The following RAD54L2 variants were observed in gnomAD, a reference collection of about 807,000 sequenced individuals.
RAD54L2 encodes the protein helicase ARIP4.
Under a neutral mutation model 138.4 loss-of-function variants are expected in RAD54L2, and 27 were observed. The ratio of observed to expected loss-of-function variants is 0.20; its 90% CI spans 0.14 to 0.27. The LOEUF (loss-of-function observed/expected upper bound fraction) is 0.27, where lower values mean the gene tolerates loss of function less well. RAD54L2 is among the 10% of genes least tolerant of loss of function. RAD54L2 has a pLI of 1.00. For missense variants in RAD54L2, 1,396 were observed against 1,890.2 expected, an observed-to-expected ratio of 0.74 and a Z score of 4.85; for synonymous variants, 644 against 723.2, an observed-to-expected ratio of 0.89 and a Z score of 1.76.
chr3:51,619,905 G>A (rs1431016930), intron 3 of RAD54L2, among the ~76,000 whole-genome samples: 1 of 151,950 alleles, frequency 6.6e-6, no homozygotes, highest in Non-Finnish European at 1.5e-5. Context: ...GCATATCTCT[G>A]TGCATTATGT....
chr3:51,617,615 T>C (rs1360069072), intron 3 of RAD54L2, among the ~76,000 whole-genome samples: 1 of 152,168 alleles, frequency 6.6e-6, no homozygotes, highest in South Asian at 2.1e-4. Flanking sequence ...GTGACTCATG[T>C]CTGTAACCCC....
At chr3:51,634,221 G>A (rs1296612824) in intron 9 of RAD54L2, among the ~76,000 whole-genome samples, 186 bp downstream of exon 9, 2 of 152,110 alleles carry the variant, frequency 1.3e-5, no homozygotes, top group African/African-American at 4.8e-5. Flanking sequence ...GAAAGCCAGA[G>A]TTAAGTAGCC....
intron 2 of RAD54L2, among the ~76,000 whole-genome samples, chr3:51,549,466 A>C (rs976273202): frequency 1.3e-5 from 2 of 152,098 alleles, no homozygotes; most frequent in African/African-American, 4.8e-5. Flanking sequence ...ATTGTATAGA[A>C]ATCGGGAGAA....
chr3:51,631,409 G>A (rs1016893396), intron 7 of RAD54L2, among the ~76,000 whole-genome samples: 2 of 150,576 alleles, frequency 1.3e-5, no homozygotes, highest in South Asian at 2.1e-4. Flanking sequence ...CTCAGTTTAC[G>A]ATTAAGAACT....
chr3:51,567,134 C>G (rs1268821069), intron 2 of RAD54L2, among the ~76,000 whole-genome samples: 1 of 152,170 alleles, frequency 6.6e-6, no homozygotes, highest in Non-Finnish European at 1.5e-5. Context: ...ACCTCTTCTG[C>G]CAGAACTGCT....
intron 9 of RAD54L2, among the ~76,000 whole-genome samples, chr3:51,635,289 A>T (rs182819844): frequency 1.3e-5 from 2 of 152,258 alleles, no homozygotes; most frequent in African/African-American, 4.8e-5. Context: ...TCATGCCTGA[A>T]TATCCAAGGG....
At chr3:51,565,853 G>A (rs1356021360) in intron 2 of RAD54L2, among the ~76,000 whole-genome samples, 1 of 141,752 alleles carries the variant, frequency 7.1e-6, no homozygotes, top group African/African-American at 2.7e-5. Flanking sequence ...TTTTGAGACG[G>A]AGTCTTGCTC....
Position 51,665,884 on chromosome 3 carries a change from TC to T in RAD54L2, c.*2466del, listed in dbSNP as rs1327701235. On this transcript the variant is annotated 3_prime_UTR_variant, in exon 23 of 23. Transcript: ENST00000684192. ...CTTCTAGGAAATCACTGTACTAGCCTCCAAGAATCCGGAAACCTTCCCAGCC... is the reference window on the plus strand; with the variant it reads ...CTTCTAGGAAATCACTGTACTAGCCTCAAGAATCCGGAAACCTTCCCAGCC... 1 of 152,220 alleles carries T rather than the reference TC, an allele frequency of 6.6e-6. No homozygotes were observed. Among genetic ancestry groups the T allele is most frequent in the Non-Finnish European group, 1.5e-5 (1 of 68,048 alleles). The allele number at this position is 152,220 out of a possible 1,614,324, so 9.4% of individuals were successfully genotyped here.
intron 19 of RAD54L2, among the ~76,000 whole-genome samples, chr3:51,648,865 G>A (rs1228094864): frequency 1.3e-5 from 2 of 152,170 alleles, no homozygotes; most frequent in East Asian, 3.9e-4. Context: ...CAGAAAAGCT[G>A]AAAATTCTAA....
chr3:51,662,556 GC>G lies in RAD54L2; in HGVS notation c.3541del (p.Gln1181SerfsTer46). 1 of 1,613,878 alleles carries G rather than the reference GC, an allele frequency of 6.2e-7. No individual in the cohort carries two copies. The highest frequency in any genetic ancestry group is 1.1e-5 in the South Asian group (1 of 91,044). On this transcript the variant is annotated frameshift_variant, in exon 23 of 23. Coordinates refer to ENST00000684192, the MANE Select transcript of RAD54L2 (RefSeq NM_015106.4). LOFTEE classifies it high-confidence loss of function. The surrounding 1 kb of genome is among the most constrained non-coding windows in gnomAD (Gnocchi z 4.6). ...GCCCAGAGATCATCAGTGAGCTTCA[GC>G]AGTATGCAGATGTGGCTGCTGCCCG... ...DSPEIISELQ[Q>X]YADVAAARES...
chr3:51,569,437 G>A (rs542458096), intron 2 of RAD54L2, among the ~76,000 whole-genome samples: 5 of 151,330 alleles, frequency 3.3e-5, no homozygotes, highest in Non-Finnish European at 7.4e-5. Flanking sequence ...AGGCTGGAGT[G>A]CAGTGGCGCG....
intron 2 of RAD54L2, among the ~76,000 whole-genome samples, chr3:51,566,481 T>C (rs1169020295): frequency 7.4e-6 from 1 of 135,578 alleles, no homozygotes. Flanking sequence ...TTTTTTTTTT[T>C]TTTTTTTTTT....
chr3:51,567,956 A>C (rs191083754), intron 2 of RAD54L2, among the ~76,000 whole-genome samples: 1,819 of 151,742 alleles, frequency 0.012, 31 homozygotes, highest in African/African-American at 0.042. Context: ...AAAAAAAAAA[A>C]AAAAAGAATG....
At chr3:51,539,123 C>T (rs1698488129) in intron 1 of RAD54L2, among the ~76,000 whole-genome samples, 1 of 152,164 alleles carries the variant, frequency 6.6e-6, no homozygotes. Flanking sequence ...TGGGCCTCGA[C>T]CCGGGGCCTC....
In RAD54L2 at chr3:51,545,654, A is replaced by G. The variant is rs1216529263; in HGVS notation, c.-55+4004A>G. ...AAGTACAGTGGCATGATCATAGCTC[A>G]CTGTAGCCTTGACCTCTCAGGCTCG... On this transcript the variant is annotated intron_variant, in intron 2 of 22. Transcript: ENST00000684192. 1.3e-5 allele frequency among the ~76,000 whole-genome samples: 2 copies of G among 151,882 alleles called. 1 individual carries two copies.
chr3:51,546,417 G>C (rs1698696034), intron 2 of RAD54L2, among the ~76,000 whole-genome samples: 2 of 151,314 alleles, frequency 1.3e-5, no homozygotes, highest in Admixed American at 6.6e-5. Flanking sequence ...GAGGCGGGCG[G>C]ATCACCTGAT....
Position 51,663,330 on chromosome 3 carries a change from A to G in RAD54L2, c.4314A>G (p.Pro1438=), listed in dbSNP as rs1348624621. 1.2e-6 allele frequency: 2 copies of G among 1,613,744 alleles called. No homozygotes were observed. The highest frequency in any genetic ancestry group is 1.7e-5 in the Admixed American group (1 of 60,006). The change falls in exon 23 of 23, where the codon CCA becomes CCG. Residue 1438 remains proline (P), a synonymous_variant. Coordinates refer to ENST00000684192, the MANE Select transcript of RAD54L2 (RefSeq NM_015106.4). ...GCCTCCTACGGTCCCAGGTGCCTCCATTTGACTCTCATGAGGTTGCCGAGG... is the reference window on the plus strand; with the variant it reads ...GCCTCCTACGGTCCCAGGTGCCTCCGTTTGACTCTCATGAGGTTGCCGAGG... ...AGGLLRSQVP[P]FDSHEVAEVG...
At chr3:51,642,973 TA>T (rs1701176822) in intron 15 of RAD54L2, among the ~76,000 whole-genome samples, 1 of 152,088 alleles carries the variant, frequency 6.6e-6, no homozygotes, top group African/African-American at 2.4e-5. Context: ...CCCTTAGCTT[TA>T]CCATTTACTC....
At position 51,639,532 on chromosome 3, in the gene RAD54L2, A is replaced by G. The variant is rs141938011; in HGVS notation, c.1974A>G (p.Pro658=). The G allele has an allele frequency of 2.6e-5, 42 of 1,613,908 alleles. No homozygotes were observed. In the African/African-American group the frequency reaches 3.6e-4, roughly 14 times the overall value. Residue 658 remains proline (P), a synonymous_variant, in exon 13 of 23, where the codon CCA becomes CCG. Transcript: ENST00000684192. ...LGSAGTSARC[P]PQGTKGKGED... ...CTGCAGGGACCAGTGCCCGCTGTCC[A>G]CCACAGGGAACAAAAGGCAAGGGAG...
Sources: gnomAD v4.1 joint callset for allele counts (sites outside exome capture counted in the v4.1 genomes callset) on GRCh38, gnomAD v4.1.1 for gene constraint, Gnocchi (gnomAD v3.1) non-coding constraint, MANE v1.5 for transcripts, NCBI Gene and HGNC (gene_info 2026-07-23, HGNC 2026-07-21) for gene names.